Variants in CHODL observed in about 807,000 individuals in gnomAD.
CHODL encodes chondrolectin.
In CHODL, 29 loss-of-function variants were observed where a neutral mutation model predicts 34.5. The ratio of observed to expected loss-of-function variants is 0.84; its 90% CI spans 0.63 to 1.15. The LOEUF is 1.15. Ranked by LOEUF, CHODL falls within the 50% of genes most tolerant of loss-of-function variation. CHODL has a pLI of 0.00. For synonymous variants in CHODL, 125 were observed against 116.1 expected, an observed-to-expected ratio of 1.08 and a Z score of -0.49; for missense variants, 332 against 332.5, an observed-to-expected ratio of 1.00 and a Z score of 0.01.
At chr21:18,123,072 A>G (rs2065499641) in intron 2 of CHODL, among the ~76,000 whole-genome samples, 1 of 152,234 alleles carries the variant, frequency 6.6e-6, no homozygotes, top group South Asian at 2.1e-4. Flanking sequence ...TAAGTAGCCG[A>G]AACTCTTTCA....
intron 5 of CHODL, among the ~76,000 whole-genome samples, chr21:18,263,100 G>C (rs2074402470): frequency 6.6e-6 from 1 of 152,084 alleles, no homozygotes; most frequent in Non-Finnish European, 1.5e-5. Flanking sequence ...TTACCCTTCT[G>C]TTTGTATTTC....
At chr21:18,048,552 A>AAAAG (rs1210091160) in intron 2 of CHODL, among the ~76,000 whole-genome samples, 2 of 151,828 alleles carry the variant, frequency 1.3e-5, no homozygotes, top group African/African-American at 2.4e-5. Flanking sequence ...ATGTAGCAGC[A>AAAAG]AAAGAAAGAA....
intron 2 of CHODL, chr21:18,114,773 A>G (rs2065392823): frequency 6.6e-6 from 1 of 152,242 alleles, no homozygotes; most frequent in Non-Finnish European, 1.5e-5. Flanking sequence ...TTACCTTGGT[A>G]TTGAAGGTAC....
chr21:18,261,961 G>A (rs530099594), intron 4 of CHODL, among the ~76,000 whole-genome samples: 47 of 151,918 alleles, frequency 3.1e-4, no homozygotes, highest in Middle Eastern at 3.4e-3. Context: ...GTATGGAATC[G>A]TGACACTAAG....
At chr21:17,934,688 T>C (rs2063305309) in intron 1 of CHODL, among the ~76,000 whole-genome samples, 1 of 152,218 alleles carries the variant, frequency 6.6e-6, no homozygotes, top group African/African-American at 2.4e-5. Context: ...CCTTTTATAA[T>C]GTTAAATGGC....
At chr21:18,235,070 G>GTGCC (rs1303579296) in intron 2 of CHODL, among the ~76,000 whole-genome samples, 1 of 152,064 alleles carries the variant, frequency 6.6e-6, no homozygotes, top group African/African-American at 2.4e-5. Context: ...AATTATGGAG[G>GTGCC]TGCCCAGTGT....
chr21:17,951,872 A>T (rs1371589279), intron 1 of CHODL, among the ~76,000 whole-genome samples: 1 of 152,216 alleles, frequency 6.6e-6, no homozygotes, highest in Non-Finnish European at 1.5e-5. Flanking sequence ...CATATGATAG[A>T]AATATTGGAT....
intron 2 of CHODL, among the ~76,000 whole-genome samples, chr21:18,173,329 G>T (rs1351135961): frequency 1.3e-5 from 2 of 152,184 alleles, no homozygotes; most frequent in Non-Finnish European, 2.9e-5. Context: ...TACTCATGAA[G>T]AAGGCATTAT....
chr21:18,180,094 A>C, intron 2 of CHODL, among the ~76,000 whole-genome samples: 1 of 152,208 alleles, frequency 6.6e-6, no homozygotes, highest in Non-Finnish European at 1.5e-5. Flanking sequence ...ACCAATGCCT[A>C]GGTTATAGTT....
chr21:17,928,289 T>C (rs539276369), intron 1 of CHODL, among the ~76,000 whole-genome samples: 5 of 152,160 alleles, frequency 3.3e-5, no homozygotes, highest in Non-Finnish European at 5.9e-5. Flanking sequence ...CTAGCACACA[T>C]GAAAACATCA....
At chr21:18,139,239 A>G (rs1002523964) in intron 2 of CHODL, among the ~76,000 whole-genome samples, 7 of 151,940 alleles carry the variant, frequency 4.6e-5, no homozygotes, top group South Asian at 2.1e-4. Flanking sequence ...TGGAAATTGC[A>G]AGCGGAAGAC....
intron 3 of CHODL, among the ~76,000 whole-genome samples, chr21:18,259,185 T>C (rs1460931761): frequency 6.6e-6 from 1 of 152,204 alleles, no homozygotes; most frequent in African/African-American, 2.4e-5. Flanking sequence ...TGGGTTCTTA[T>C]TTCAATTGAT....
At chr21:18,152,308 T>C (rs1601076739) in intron 2 of CHODL, among the ~76,000 whole-genome samples, 1 of 152,204 alleles carries the variant, frequency 6.6e-6, no homozygotes, top group African/African-American at 2.4e-5. Flanking sequence ...TTGTTTTATA[T>C]TGTTGCATAT....
intron 1 of CHODL, among the ~76,000 whole-genome samples, chr21:17,972,821 G>A (rs894301543): frequency 6.6e-6 from 1 of 152,072 alleles, no homozygotes. Context: ...CCAAAAAAGA[G>A]CCCATATAGC....
At chr21:18,122,841 T>G (rs911521262) in intron 2 of CHODL, among the ~76,000 whole-genome samples, 4 of 152,248 alleles carry the variant, frequency 2.6e-5, no homozygotes, top group Non-Finnish European at 5.9e-5. Context: ...CAGTTTAAAG[T>G]GATTTCATTA....
intron 2 of CHODL, among the ~76,000 whole-genome samples, chr21:18,070,248 G>A (rs1354350372): frequency 6.6e-6 from 1 of 151,676 alleles, no homozygotes; most frequent in Admixed American, 6.6e-5. Flanking sequence ...TTTTAAAAAA[G>A]TTCTCCTTGT....
At chr21:17,958,987 C>T (rs2063512925) in intron 1 of CHODL, among the ~76,000 whole-genome samples, 1 of 152,064 alleles carries the variant, frequency 6.6e-6, no homozygotes, top group African/African-American at 2.4e-5. Flanking sequence ...GTTTCTTCAG[C>T]TTGCTCTTTC....
chr21:17,924,191 T>A (rs1010208661), intron 1 of CHODL, among the ~76,000 whole-genome samples: 1 of 152,154 alleles, frequency 6.6e-6, no homozygotes, highest in African/African-American at 2.4e-5. Flanking sequence ...AAAGTAGCAT[T>A]TCCTGTGAAA....
rs753761608 is a variant in CHODL, at chr21:18,187,497, G to A, written c.-44-69012G>A. Among the ~76,000 whole-genome samples the A allele has an allele frequency of 5.9e-5, 9 of 152,084 alleles. No homozygotes were observed. The East Asian group carries it at 7.7e-4, about 13-fold the overall frequency. On this transcript the variant is annotated intron_variant, in intron 2 of 6. Coordinates refer to the CHODL transcript ENST00000400127. Reference sequence around the variant, plus strand: ...ATGGCATTTATCCTGTCATTTTTGCGTTATAATTATTGTGATATTATAGTT... The same window carrying A: ...ATGGCATTTATCCTGTCATTTTTGCATTATAATTATTGTGATATTATAGTT...
Sources: gnomAD v4.1 joint callset for allele counts (sites outside exome capture counted in the v4.1 genomes callset) on GRCh38, gnomAD v4.1.1 for gene constraint, MANE v1.5 for transcripts, NCBI Gene and HGNC (gene_info 2026-07-23, HGNC 2026-07-21) for gene names.